The following ADAMTSL1 variants were observed in gnomAD, a reference collection of about 807,000 sequenced individuals.
ADAMTSL1 encodes the protein ADAMTS-like protein 1.
Under a neutral mutation model 201.8 loss-of-function variants are expected in ADAMTSL1, and 126 were observed. The observed-to-expected ratio is 0.62, with a 90% confidence interval of 0.54 to 0.72. ADAMTSL1 has a LOEUF of 0.72. Ranked by LOEUF, ADAMTSL1 falls within the 30% of genes least tolerant of loss-of-function variation. The pLI is 0.00. For missense variants in ADAMTSL1, 2,679 were observed against 2,277.8 expected (o/e 1.18, Z -3.59); for synonymous variants, 1,121 against 903.4 (o/e 1.24, Z -4.32).
intron 1 of ADAMTSL1, among the ~76,000 whole-genome samples, chr9:18,031,683 T>C (rs1162930482): frequency 6.6e-6 from 1 of 152,160 alleles, no homozygotes; most frequent in African/African-American, 2.4e-5. Context: ...GGTGGAGCCT[T>C]TTCCAATCGT....
Position 18,108,952 on chromosome 9 carries a change from G to A in ADAMTSL1, c.88-54910G>A, listed in dbSNP as rs977730173. On this transcript the variant is annotated intron_variant, in intron 1 of 29. Transcript: ENST00000680146. ...ATATATTTTATTGTTGTCCCTGATC[G>A]TGGTATAAAATTATTAAAAGTTTGG... Among the ~76,000 whole-genome samples the A allele has an allele frequency of 3.9e-5, 6 of 152,190 alleles. No homozygotes were observed. The East Asian group carries it at 5.8e-4, about 15-fold the overall frequency.
chr9:18,885,407 T>C (rs928753904), intron 23 of ADAMTSL1, among the ~76,000 whole-genome samples: 11 of 152,244 alleles, frequency 7.2e-5, no homozygotes, highest in Non-Finnish European at 1.2e-4. Flanking sequence ...AGTAGCCTCC[T>C]TGGTTAAGTT....
intron 2 of ADAMTSL1, among the ~76,000 whole-genome samples, chr9:18,347,437 A>G (rs536587825): frequency 2.0e-5 from 3 of 152,294 alleles, no homozygotes; most frequent in South Asian, 4.1e-4. Context: ...AGAATTCTGC[A>G]TTTTTAAATT....
In ADAMTSL1 at chr9:18,127,145, C is replaced by T. The variant is rs146189258; in HGVS notation, c.88-36717C>T. 8.2e-3 allele frequency among the ~76,000 whole-genome samples: 1,243 copies of T among 152,174 alleles called. 12 individuals carry two copies. The highest frequency in any genetic ancestry group is 0.029 in the African/African-American group (1,198 of 41,512). On this transcript the variant is annotated intron_variant, in intron 1 of 29. Transcript: ENST00000680146. ...ACAGCTGTGAAGGTTTTGTGCCAGG[C>T]AGGATGAGCTAGTGCAAAAGCATGT...
intron 2 of ADAMTSL1, among the ~76,000 whole-genome samples, chr9:18,530,869 T>C (rs10963626): frequency 0.17 from 25,145 of 152,086 alleles, 2,788 homozygotes; most frequent in East Asian, 0.52. Flanking sequence ...AACTGGGTAC[T>C]CTTAATCACT....
At chr9:18,226,203 C>T (rs1465527725) in intron 2 of ADAMTSL1, among the ~76,000 whole-genome samples, 3 of 152,016 alleles carry the variant, frequency 2.0e-5, no homozygotes, top group African/African-American at 4.8e-5. Flanking sequence ...ACAAAAAATA[C>T]ATACATTTAT....
chr9:17,934,520 A>T (rs1230518505), intron 1 of ADAMTSL1, among the ~76,000 whole-genome samples: 1 of 152,048 alleles, frequency 6.6e-6, no homozygotes, highest in African/African-American at 2.4e-5. Flanking sequence ...CTTGATTTTG[A>T]TTCATGACCA....
chr9:18,727,978 G>T (rs1337244745), intron 15 of ADAMTSL1, among the ~76,000 whole-genome samples: 1 of 152,058 alleles, frequency 6.6e-6, no homozygotes, highest in African/African-American at 2.4e-5. Context: ...TACTCGGGAC[G>T]CTGAGGTAGG....
chr9:18,020,245 T>C (rs1010759392), intron 1 of ADAMTSL1, among the ~76,000 whole-genome samples: 2 of 152,050 alleles, frequency 1.3e-5, no homozygotes, highest in Non-Finnish European at 2.9e-5. Flanking sequence ...ATGGTCCCCA[T>C]CTACTGGCAT....
intron 5 of ADAMTSL1, among the ~76,000 whole-genome samples, chr9:18,623,003 C>T (rs1826128965): frequency 6.6e-6 from 1 of 152,202 alleles, no homozygotes; most frequent in Admixed American, 6.5e-5. Context: ...TCAAGTGATT[C>T]TCTTGCCTCA....
At position 18,566,758 on chromosome 9, in the gene ADAMTSL1, A is replaced by C. The variant is rs1821923498; in HGVS notation, c.238-7272A>C. 2.0e-5 allele frequency among the ~76,000 whole-genome samples: 3 copies of C among 152,118 alleles called. No homozygotes were observed. The South Asian group carries it at 6.2e-4, about 32-fold the overall frequency. On this transcript the variant is annotated intron_variant, in intron 3 of 28. Transcript: ENST00000380548. ...AGGACAATAGGATGTGACAGGCCTGAGGGATGATGGGGGCTCTCATAAGAC... is the reference window on the plus strand; with the variant it reads ...AGGACAATAGGATGTGACAGGCCTGCGGGATGATGGGGGCTCTCATAAGAC...
intron 2 of ADAMTSL1, among the ~76,000 whole-genome samples, chr9:18,434,801 C>T (rs1819651770): frequency 6.6e-6 from 1 of 152,292 alleles, no homozygotes; most frequent in African/African-American, 2.4e-5. Context: ...TCATTTAGTA[C>T]CCTTCCCCAG....
intron 9 of ADAMTSL1, among the ~76,000 whole-genome samples, chr9:18,665,493 T>C (rs1214585393): frequency 6.6e-6 from 1 of 152,110 alleles, no homozygotes; most frequent in East Asian, 1.9e-4. Flanking sequence ...TCAGTCATTA[T>C]TTTAGTTTTA....
intron 4 of ADAMTSL1, among the ~76,000 whole-genome samples, chr9:18,588,328 C>T (rs191666441): frequency 6.6e-6 from 1 of 151,558 alleles, no homozygotes; most frequent in East Asian, 1.9e-4. Flanking sequence ...TTTTTCTTTG[C>T]TCTTGAGTTG....
intron 17 of ADAMTSL1, among the ~76,000 whole-genome samples, chr9:18,774,786 C>G (rs2133740899): frequency 6.6e-6 from 1 of 152,236 alleles, no homozygotes; most frequent in African/African-American, 2.4e-5. Flanking sequence ...CATTCACCAG[C>G]TGATAGGTAT....
At chr9:18,084,198 G>C (rs1823641783) in intron 1 of ADAMTSL1, among the ~76,000 whole-genome samples, 2 of 152,108 alleles carry the variant, frequency 1.3e-5, no homozygotes, top group South Asian at 4.1e-4. Context: ...AGGTGAGTGT[G>C]GTCTGTTCTT....
chr9:18,492,727 T>A (rs1473071321), intron 1 of ADAMTSL1, among the ~76,000 whole-genome samples: 2 of 152,210 alleles, frequency 1.3e-5, no homozygotes, highest in Non-Finnish European at 2.9e-5. Flanking sequence ...AATAGACTAA[T>A]TTAGAATCAT....
At chr9:18,435,210 A>C (rs1488000161) in intron 2 of ADAMTSL1, among the ~76,000 whole-genome samples, 3 of 152,212 alleles carry the variant, frequency 2.0e-5, no homozygotes, top group Admixed American at 2.0e-4. Context: ...ACAAGGACTT[A>C]TATTAGATAC....
intron 2 of ADAMTSL1, among the ~76,000 whole-genome samples, chr9:18,185,165 C>T (rs914163306): frequency 1.3e-5 from 2 of 152,108 alleles, no homozygotes; most frequent in African/African-American, 2.4e-5. Context: ...TGAGTGTGGG[C>T]AGAATCTGTG....
Sources: allele counts gnomAD v4.1 joint callset (sites outside exome capture counted in the v4.1 genomes callset), GRCh38; gene constraint gnomAD v4.1.1; transcripts MANE v1.5; gene names NCBI Gene and HGNC (gene_info 2026-07-23, HGNC 2026-07-21).